Variants in CDK14 observed in about 807,000 individuals in gnomAD.
CDK14 encodes cyclin dependent kinase 14.
In CDK14, 34 loss-of-function variants were observed where a neutral mutation model predicts 60.7. The observed-to-expected ratio is 0.56, with a 90% confidence interval of 0.43 to 0.75. The LOEUF (loss-of-function observed/expected upper bound fraction) is 0.75, where lower values mean the gene tolerates loss of function less well. Ranked by LOEUF, CDK14 falls within the 30% of genes least tolerant of loss-of-function variation. The pLI is 0.00. For synonymous variants in CDK14, 197 were observed against 203.7 expected, an observed-to-expected ratio of 0.97 and a Z score of 0.28; for missense variants, 482 against 564.1, an observed-to-expected ratio of 0.85 and a Z score of 1.47.
intron 8 of CDK14, among the ~76,000 whole-genome samples, chr7:90,925,063 A>C (rs1478132366): frequency 6.6e-6 from 1 of 152,200 alleles, no homozygotes; most frequent in African/African-American, 2.4e-5. Flanking sequence ...TTTTTACCAC[A>C]TACCGGAAAG....
chr7:90,733,019 T>C (rs966744646), intron 3 of CDK14, among the ~76,000 whole-genome samples: 7 of 152,114 alleles, frequency 4.6e-5, no homozygotes, highest in Admixed American at 3.3e-4. Context: ...AAATGTGTCC[T>C]GGAGATTCTG....
chr7:90,917,835 A>G, intron 8 of CDK14, 111 bp downstream of exon 8: 1 of 1,100,986 alleles, frequency 9.1e-7, no homozygotes, highest in Admixed American at 2.5e-5. Context: ...AGATCCTGGT[A>G]ATTTTTTTTT....
intron 3 of CDK14, among the ~76,000 whole-genome samples, chr7:90,738,585 C>T (rs914467885): frequency 6.6e-6 from 1 of 152,220 alleles, no homozygotes; most frequent in Admixed American, 6.5e-5. Flanking sequence ...CATTAAATTT[C>T]ACATCTCTAT....
chr7:90,961,987 A>G (rs188127825), intron 9 of CDK14, among the ~76,000 whole-genome samples: 18 of 152,370 alleles, frequency 1.2e-4, no homozygotes, highest in Non-Finnish European at 2.2e-4. Flanking sequence ...AACACATTTG[A>G]GTGTTTAATT....
At chr7:90,894,470 G>C (rs1259694717) in intron 6 of CDK14, among the ~76,000 whole-genome samples, 1 of 152,114 alleles carries the variant, frequency 6.6e-6, no homozygotes, top group Non-Finnish European at 1.5e-5. Context: ...TAAAGGTTTA[G>C]GAAAGTCTTT....
intron 6 of CDK14, among the ~76,000 whole-genome samples, chr7:90,867,078 G>C (rs1215381613): frequency 1.3e-5 from 2 of 152,096 alleles, no homozygotes; most frequent in Non-Finnish European, 2.9e-5. Flanking sequence ...TTATTTCCAA[G>C]GTCTTGTAGT....
At chr7:90,610,084 G>A (rs1799507402) in intron 2 of CDK14, among the ~76,000 whole-genome samples, 2 of 152,010 alleles carry the variant, frequency 1.3e-5, no homozygotes, top group Non-Finnish European at 1.5e-5. Flanking sequence ...TTTCTTTGCC[G>A]GCTTCCAGTT....
intron 3 of CDK14, among the ~76,000 whole-genome samples, chr7:90,728,853 C>T (rs112438041): frequency 6.6e-6 from 1 of 151,962 alleles, no homozygotes; most frequent in African/African-American, 2.4e-5. Context: ...AAGACCTAGT[C>T]GTTTTATTTA....
chr7:90,621,958 G>C (rs938733490), intron 2 of CDK14, among the ~76,000 whole-genome samples: 1 of 152,208 alleles, frequency 6.6e-6, no homozygotes, highest in Admixed American at 6.5e-5. Context: ...AGACCTGCTG[G>C]ATTGTTGGCC....
chr7:90,609,775 T>C (rs949952633), intron 2 of CDK14, among the ~76,000 whole-genome samples: 3 of 152,196 alleles, frequency 2.0e-5, no homozygotes, highest in South Asian at 2.1e-4. Flanking sequence ...GATACAAATA[T>C]GATTTGTGGA....
intron 5 of CDK14, among the ~76,000 whole-genome samples, chr7:90,804,699 AG>A (rs1386171365): frequency 2.6e-5 from 4 of 152,142 alleles, no homozygotes; most frequent in African/African-American, 9.6e-5. Context: ...ATAATTTTAA[AG>A]GATAAAGTTT....
intron 5 of CDK14, among the ~76,000 whole-genome samples, chr7:90,797,138 A>G (rs1255341998): frequency 6.6e-6 from 1 of 151,828 alleles, no homozygotes; most frequent in Non-Finnish European, 1.5e-5. Context: ...AGGGCTGCTG[A>G]AAAAAAGTAC....
chr7:90,926,240 C>G (rs1345892616), intron 8 of CDK14, among the ~76,000 whole-genome samples: 1 of 152,070 alleles, frequency 6.6e-6, no homozygotes, highest in Non-Finnish European at 1.5e-5. Context: ...ACCTGTGTCA[C>G]CTGATCACTG....
intron 14 of CDK14, among the ~76,000 whole-genome samples, chr7:91,131,100 T>G (rs930327636): frequency 4.6e-5 from 7 of 152,084 alleles, no homozygotes; most frequent in African/African-American, 1.7e-4. Context: ...TTATTTTTTT[T>G]TTGTTTTTGT....
chr7:90,678,657 A>C (rs1043527677), intron 2 of CDK14, among the ~76,000 whole-genome samples: 2 of 152,042 alleles, frequency 1.3e-5, no homozygotes, highest in Non-Finnish European at 2.9e-5. Flanking sequence ...TTTTTTTTAA[A>C]ATAGAGGATT....
At chr7:90,826,780 C>T (rs998936131) in intron 5 of CDK14, among the ~76,000 whole-genome samples, 3 of 152,072 alleles carry the variant, frequency 2.0e-5, no homozygotes, top group Non-Finnish European at 4.4e-5. Context: ...ATCCCATATA[C>T]TTCTTTTCCC....
At chr7:91,006,590 T>G (rs1795985947) in intron 10 of CDK14, among the ~76,000 whole-genome samples, 1 of 152,252 alleles carries the variant, frequency 6.6e-6, no homozygotes, top group Non-Finnish European at 1.5e-5. Context: ...TTTGTTGAAT[T>G]AAAAAGTACT....
chr7:91,200,560 G>A (rs1017108712), intron 14 of CDK14, among the ~76,000 whole-genome samples: 6 of 152,106 alleles, frequency 3.9e-5, no homozygotes, highest in Non-Finnish European at 8.8e-5. Context: ...TCTGGACTTT[G>A]TTCTCGACAA....
intron 8 of CDK14, among the ~76,000 whole-genome samples, chr7:90,948,010 G>A (rs564144233): frequency 3.3e-5 from 5 of 152,120 alleles, no homozygotes; most frequent in Admixed American, 6.5e-5. Flanking sequence ...ATACATACTT[G>A]TATAATGTTT....
Sources: allele counts gnomAD v4.1 joint callset (sites outside exome capture counted in the v4.1 genomes callset), GRCh38; gene constraint gnomAD v4.1.1; transcripts MANE v1.5; gene names NCBI Gene and HGNC (gene_info 2026-07-23, HGNC 2026-07-21).